The following PRKCZ variants were observed in gnomAD, a reference collection of about 807,000 sequenced individuals.
PRKCZ encodes protein kinase C zeta type.
In PRKCZ, 33 loss-of-function variants were observed where a neutral mutation model predicts 79.5. The ratio of observed to expected loss-of-function variants is 0.41; its 90% CI spans 0.31 to 0.55. The LOEUF (loss-of-function observed/expected upper bound fraction) is 0.55. PRKCZ is among the 20% of genes least tolerant of loss of function. The pLI is 0.19. For synonymous variants in PRKCZ, 342 were observed against 320.9 expected, an observed-to-expected ratio of 1.07 and a Z score of -0.70; for missense variants, 578 against 813.5, an observed-to-expected ratio of 0.71 and a Z score of 3.52.
chr1:2,054,317 C>T (rs1659954849), intron 1 of PRKCZ, among the ~76,000 whole-genome samples: 1 of 152,118 alleles, frequency 6.6e-6, no homozygotes, highest in Non-Finnish European at 1.5e-5. Flanking sequence ...TCAGTGTGTT[C>T]ACAAGGGTGT....
At chr1:2,108,017 C>A (rs1159824457) in intron 4 of PRKCZ, among the ~76,000 whole-genome samples, 2 of 152,224 alleles carry the variant, frequency 1.3e-5, no homozygotes, top group Non-Finnish European at 2.9e-5. Flanking sequence ...GTCAAGGGAG[C>A]CTGCCTCCGT....
chr1:2,170,909 G>A (rs946621838), intron 11 of PRKCZ, among the ~76,000 whole-genome samples: 1 of 152,264 alleles, frequency 6.6e-6, no homozygotes, highest in Non-Finnish European at 1.5e-5. Flanking sequence ...GGGCACTTGA[G>A]TGGCATCCAC....
intron 7 of PRKCZ, among the ~76,000 whole-genome samples, chr1:2,146,639 T>C (rs908178372): frequency 2.6e-4 from 40 of 152,166 alleles, no homozygotes; most frequent in Non-Finnish European, 4.3e-4. Flanking sequence ...CAGTTGGACT[T>C]ACAGCCCAGG....
chr1:2,163,871 C>G (rs565977191), intron 10 of PRKCZ, among the ~76,000 whole-genome samples: 5 of 152,096 alleles, frequency 3.3e-5, no homozygotes, highest in African/African-American at 1.2e-4. Context: ...TGCACTCCAA[C>G]CTGGGCGAGA....
chr1:2,094,153 C>T lies in PRKCZ; in HGVS notation c.334+34562C>T, dbSNP rs962717258. On this transcript the variant is annotated intron_variant, in intron 4 of 17. Transcript: ENST00000378567. The surrounding 1 kb of genome is among the most constrained non-coding windows in gnomAD (Gnocchi z 7.3). Reference sequence around the variant, plus strand: ...GATGCACAACCTCAGAGCCCTCCGTCGCCATCCCTCCCCCGTCCCGGGAGC... The same window carrying T: ...GATGCACAACCTCAGAGCCCTCCGTTGCCATCCCTCCCCCGTCCCGGGAGC... Among the ~76,000 whole-genome samples, 5 of 152,262 alleles carry T rather than the reference C, an allele frequency of 3.3e-5. No individual in the cohort carries two copies. The highest frequency in any genetic ancestry group is 6.5e-5 in the Admixed American group (1 of 15,308).
chr1:2,075,819 T>A lies in PRKCZ; in HGVS notation c.334+16228T>A, dbSNP rs1243724818. ...CTGCCAGGGCTGTCAATGGCCCCAG[T>A]GGAGAGGCCCACTGAGCATCCTGAG... On this transcript the variant is annotated intron_variant, in intron 4 of 17. Transcript: ENST00000378567. This position sits in a 1 kb window ranked among gnomAD's most constrained non-coding sequence, Gnocchi z 4.8. 6.6e-6 allele frequency among the ~76,000 whole-genome samples: 1 copy of A among 152,202 alleles called. No homozygotes were observed. The highest frequency in any genetic ancestry group is 2.4e-5 in the African/African-American group (1 of 41,454).
At position 2,128,754 on chromosome 1, in the gene PRKCZ, C is replaced by T. The variant is rs1360685210; in HGVS notation, c.335-6508C>T. On this transcript the variant is annotated intron_variant, in intron 4 of 17. Transcript: ENST00000378567. The surrounding 1 kb of genome is among the most constrained non-coding windows in gnomAD (Gnocchi z 6.5). ...GTGTGGCTGCACCGTCCACTGTGCG[C>T]TGTCCACTGCAGGAGACCCCAGGCT... Among the ~76,000 whole-genome samples, 1 of 152,216 alleles carries T rather than the reference C, an allele frequency of 6.6e-6. No individual in the cohort carries two copies. Among genetic ancestry groups the T allele is most frequent in the African/African-American group, 2.4e-5 (1 of 41,456 alleles).
chr1:2,184,820 C>T (rs1687321775), intron 17 of PRKCZ, 102 bp from the exon 18 acceptor site: 3 of 1,375,898 alleles, frequency 2.2e-6, no homozygotes, highest in Non-Finnish European at 3.0e-6. Flanking sequence ...GTCATCTCTC[C>T]AGTGGGCGTT....
rs1471632415 is a variant in PRKCZ, at chr1:2,185,045, G to A, written c.*36G>A. 1 of 1,561,526 alleles carries A rather than the reference G, an allele frequency of 6.4e-7. No homozygotes were observed. Among genetic ancestry groups the A allele is most frequent in the Non-Finnish European group, 8.8e-7 (1 of 1,142,044 alleles). ...GTCTCTGTCGTGGACACGCGTGATT[G>A]ACCCTTTAACTGTATCCTTAACCAC... On this transcript the variant is annotated 3_prime_UTR_variant, in exon 18 of 18. Transcript: ENST00000378567.
intron 11 of PRKCZ, 55 bp downstream of exon 11, chr1:2,169,659 G>A: frequency 7.5e-7 from 1 of 1,333,302 alleles, no homozygotes; most frequent in Non-Finnish European, 1.0e-6. Context: ...GGATGGGTGG[G>A]TGCGTGCGGT....
chr1:2,109,435 C>T (rs183832602), intron 4 of PRKCZ, among the ~76,000 whole-genome samples: 46 of 152,340 alleles, frequency 3.0e-4, no homozygotes, highest in African/African-American at 1.1e-3. Flanking sequence ...GCACACGATA[C>T]CTGCTCCGTC....
chr1:2,148,893 G>A lies in PRKCZ; in HGVS notation c.656G>A (p.Arg219Gln), dbSNP rs753636085. ...TDGIAYISSS[R>Q]KHDSIKDDSE... ...CCAGTTGCTTACATTTCCTCATCCC[G>A]GAAGCATGACAGCATTAAAGACGAC... Residue 219 changes from arginine (R) to glutamine (Q), a missense_variant, in exon 8 of 18, where the codon CGG becomes CAG. Arg to Gln is a conservative substitution (Grantham distance 43). Transcript: ENST00000378567. The A allele has an allele frequency of 1.2e-5, 19 of 1,613,886 alleles. No individual in the cohort carries two copies. Among genetic ancestry groups the A allele is most frequent in the East Asian group, 2.2e-5 (1 of 44,876 alleles).
At chr1:2,055,344 A>G (rs1660066810) in intron 1 of PRKCZ, 97 bp from the exon 2 acceptor site, 2 of 1,432,112 alleles carry the variant, frequency 1.4e-6, no homozygotes, top group South Asian at 1.4e-5. Flanking sequence ...GGAAAGTTTC[A>G]TTTATCTAAT....
intron 4 of PRKCZ, among the ~76,000 whole-genome samples, chr1:2,102,574 C>T (rs921757266): frequency 2.2e-4 from 33 of 152,202 alleles, no homozygotes; most frequent in South Asian, 1.0e-3. Context: ...CCTCGTGATC[C>T]GCCCGCCTTG....
chr1:2,121,886 G>A (rs62641632), intron 4 of PRKCZ, among the ~76,000 whole-genome samples: 11 of 11,578 alleles, frequency 9.5e-4, no homozygotes, highest in South Asian at 4.8e-3. Flanking sequence ...TCACGGTGGT[G>A]GTTAGGGTCA....
At chr1:2,141,125 A>G (rs1199796248) in intron 5 of PRKCZ, 1 of 152,186 alleles carries the variant, frequency 6.6e-6, no homozygotes, top group Non-Finnish European at 1.5e-5. Context: ...CTGAAATGTT[A>G]CTATTCAAAT....
intron 7 of PRKCZ, among the ~76,000 whole-genome samples, chr1:2,147,453 A>G (rs533733164): frequency 1.8e-4 from 23 of 129,124 alleles, no homozygotes; most frequent in African/African-American, 6.3e-4. Context: ...CTATCCATCT[A>G]TCTTGTCCAC....
chr1:2,091,323 C>T (rs1027300056), intron 4 of PRKCZ, among the ~76,000 whole-genome samples: 2 of 152,236 alleles, frequency 1.3e-5, no homozygotes, highest in African/African-American at 4.8e-5. Context: ...AGAAGTGAGC[C>T]ACCGCGCCTG....
chr1:2,115,527 A>G (rs1453462749), intron 4 of PRKCZ, among the ~76,000 whole-genome samples: 4 of 152,164 alleles, frequency 2.6e-5, no homozygotes, highest in African/African-American at 4.8e-5. Flanking sequence ...CAGCTCTGAC[A>G]TCAATTACCT....
Sources: gnomAD v4.1 joint callset for allele counts (sites outside exome capture counted in the v4.1 genomes callset) on GRCh38, gnomAD v4.1.1 for gene constraint, Gnocchi (gnomAD v3.1) non-coding constraint, MANE v1.5 for transcripts, NCBI Gene and HGNC (gene_info 2026-07-23, HGNC 2026-07-21) for gene names.